The following RGSL1 variants were observed in gnomAD, a reference collection of about 807,000 sequenced individuals.
The protein encoded by RGSL1 is regulator of G protein signaling protein-like.
In RGSL1, 97 loss-of-function variants were observed where a neutral mutation model predicts 124.7. The ratio of observed to expected loss-of-function variants is 0.78; its 90% CI spans 0.66 to 0.92. The LOEUF is 0.92. RGSL1 is among the 40% of genes least tolerant of loss of function. The probability of loss-of-function intolerance (pLI) is 0.00; values close to 1 mark genes in which losing one functional copy is unlikely to be tolerated. For synonymous variants in RGSL1, 424 were observed against 438.1 expected, an observed-to-expected ratio of 0.97 and a Z score of 0.40; for missense variants, 1,233 against 1,288.4, an observed-to-expected ratio of 0.96 and a Z score of 0.66.
At chr1:182,530,171 AAC>A in intron 11 of RGSL1, 71 bp from the exon 12 acceptor site, 3 of 1,195,930 alleles carry the variant, frequency 2.5e-6, no homozygotes, top group South Asian at 1.4e-5. Context: ...AAAAAAAAAA[AAC>A]AAAAAACCAC....
chr1:182,529,115 C>G (rs1240576929), intron 11 of RGSL1, among the ~76,000 whole-genome samples: 1 of 152,160 alleles, frequency 6.6e-6, no homozygotes, highest in Non-Finnish European at 1.5e-5. Context: ...GACACAGAGC[C>G]AAACTATATC....
intron 6 of RGSL1, among the ~76,000 whole-genome samples, chr1:182,477,824 C>G (rs973512417): frequency 6.6e-6 from 1 of 152,160 alleles, no homozygotes; most frequent in East Asian, 1.9e-4. Flanking sequence ...ATTGCAAAGG[C>G]CTTTTTGTGT....
intron 17 of RGSL1, 60 bp downstream of exon 17, chr1:182,548,884 G>T (rs1660392293): frequency 3.9e-6 from 6 of 1,534,274 alleles, no homozygotes; most frequent in Middle Eastern, 1.7e-4. Flanking sequence ...AGTTTGGAGA[G>T]AGTTTTCTGC....
At chr1:182,467,607 A>G (rs1236648149) in intron 4 of RGSL1, among the ~76,000 whole-genome samples, 1 of 152,230 alleles carries the variant, frequency 6.6e-6, no homozygotes, top group East Asian at 1.9e-4. Flanking sequence ...CACCTTATAC[A>G]AAAATTAATT....
chr1:182,472,509 C>T lies in RGSL1; in HGVS notation c.415C>T (p.His139Tyr), dbSNP rs745534171. 86 of 1,549,840 alleles carry T rather than the reference C, an allele frequency of 5.5e-5. No homozygotes were observed. The highest frequency in any genetic ancestry group is 7.2e-5 in the Non-Finnish European group (82 of 1,145,920). Residue 139 changes from histidine (H) to tyrosine (Y), a missense_variant, in exon 5 of 22, where the codon CAT (histidine) becomes TAT (tyrosine). Transcript: ENST00000294854. ...CCTCCTCCTCATGCTGAGGGCCACT[C>T]ATCTGCAGGAGGGCTCCAGGGTGGT... ...LSLLLMLRAT[H>Y]LQEGSRVVTL...
At chr1:182,457,764 G>T (rs1430487205) in intron 2 of RGSL1, among the ~76,000 whole-genome samples, 1 of 152,166 alleles carries the variant, frequency 6.6e-6, no homozygotes, top group Non-Finnish European at 1.5e-5. Flanking sequence ...TTCAAAGGGG[G>T]TTGCCTAGGT....
At chr1:182,452,343 G>A (rs1230717020) in intron 1 of RGSL1, among the ~76,000 whole-genome samples, 1 of 152,254 alleles carries the variant, frequency 6.6e-6, no homozygotes, top group East Asian at 1.9e-4. Flanking sequence ...GGGCTTGGGA[G>A]GGGTACACAT....
chr1:182,479,925 G>A (rs1654567271), intron 6 of RGSL1, among the ~76,000 whole-genome samples: 1 of 152,120 alleles, frequency 6.6e-6, no homozygotes, highest in Non-Finnish European at 1.5e-5. Flanking sequence ...CAATTTAATA[G>A]GAAGCTGTAA....
chr1:182,448,527 A>G (rs1453266682), upstream of RGSL1, among the ~76,000 whole-genome samples: 2 of 152,044 alleles, frequency 1.3e-5, no homozygotes, highest in African/African-American at 4.8e-5. Flanking sequence ...TCTGGCCCCA[A>G]TATTTTCTAT....
At chr1:182,532,620 A>G (rs1659253502) in intron 13 of RGSL1, 42 bp from the exon 14 acceptor site, 2 of 1,542,608 alleles carry the variant, frequency 1.3e-6, no homozygotes, top group Non-Finnish European at 1.8e-6. Context: ...GTGAACAGCA[A>G]CCATACTAAT....
At chr1:182,450,285 G>A in intron 1 of RGSL1, 107 bp downstream of exon 1, 2 of 1,256,880 alleles carry the variant, frequency 1.6e-6, no homozygotes, top group African/African-American at 1.5e-5. Context: ...GGCACCATGG[G>A]TGACTTTTGT....
intron 3 of RGSL1, 72 bp downstream of exon 3, chr1:182,458,465 A>G (rs988282853): frequency 1.1e-5 from 15 of 1,321,898 alleles, no homozygotes; most frequent in Non-Finnish European, 1.5e-5. Context: ...TTTTGTTGTT[A>G]ATTTGTTTTT....
chr1:182,552,468 G>A (rs1438767167), intron 18 of RGSL1, among the ~76,000 whole-genome samples: 2 of 152,156 alleles, frequency 1.3e-5, no homozygotes, highest in Admixed American at 6.5e-5. Flanking sequence ...GGCTGGTGAG[G>A]ACAAGGCTGG....
intron 14 of RGSL1, among the ~76,000 whole-genome samples, chr1:182,535,806 A>G (rs541435682): frequency 4.1e-4 from 62 of 152,070 alleles, no homozygotes; most frequent in Non-Finnish European, 6.5e-4. Flanking sequence ...TTAAGCTACA[A>G]TTTTATACAG....
At chr1:182,546,138 A>G (rs534573435) in intron 15 of RGSL1, among the ~76,000 whole-genome samples, 15 of 150,840 alleles carry the variant, frequency 9.9e-5, no homozygotes, top group Middle Eastern at 6.8e-3. Context: ...CTGTCTCATT[A>G]TATTTGAGTT....
chr1:182,481,563 G>C (rs1654709540), intron 6 of RGSL1, among the ~76,000 whole-genome samples: 1 of 152,166 alleles, frequency 6.6e-6, no homozygotes, highest in African/African-American at 2.4e-5. Context: ...AGTATAAGGA[G>C]AGAGAACACT....
At chr1:182,539,404 T>G (rs956780434) in intron 14 of RGSL1, among the ~76,000 whole-genome samples, 3 of 152,142 alleles carry the variant, frequency 2.0e-5, no homozygotes, top group African/African-American at 7.2e-5. Flanking sequence ...GTGCTAGGTA[T>G]TTATGGACTC....
chr1:182,539,999 T>C (rs1188782797), intron 14 of RGSL1, among the ~76,000 whole-genome samples: 1 of 152,204 alleles, frequency 6.6e-6, no homozygotes, highest in Non-Finnish European at 1.5e-5. Flanking sequence ...TGTGGTGTGC[T>C]TCTATTTCTA....
chr1:182,545,793 G>A (rs934476656), intron 15 of RGSL1, among the ~76,000 whole-genome samples: 2 of 152,102 alleles, frequency 1.3e-5, no homozygotes, highest in Admixed American at 1.3e-4. Flanking sequence ...GTTGCCAGGT[G>A]AATTGGAGCT....
Sources: gnomAD v4.1 joint callset for allele counts (sites outside exome capture counted in the v4.1 genomes callset) on GRCh38, gnomAD v4.1.1 for gene constraint, MANE v1.5 for transcripts, NCBI Gene and HGNC (gene_info 2026-07-23, HGNC 2026-07-21) for gene names.